ZFHX3: variants seen among roughly 807,000 people sequenced by gnomAD.
ZFHX3 encodes zinc finger homeobox protein 3.
A neutral mutation model predicts 279.1 loss-of-function variants in ZFHX3; 42 were observed. That is an observed-to-expected ratio of 0.15 (90% confidence interval 0.12 to 0.19). The LOEUF (loss-of-function observed/expected upper bound fraction) is 0.19. Among genes scored for constraint, ZFHX3 ranks in the 10% least tolerant of loss-of-function variants. The pLI is 1.00. For synonymous variants in ZFHX3, 2,293 were observed against 1,957.8 expected (o/e 1.17, Z -4.52); for missense variants, 4,981 against 4,754.0 (o/e 1.05, Z -1.40).
chr16:73,771,667 TCTCA>T (rs796903426), intron 1 of ZFHX3, among the ~76,000 whole-genome samples: 36 of 152,272 alleles, frequency 2.4e-4, no homozygotes, highest in African/African-American at 7.7e-4. Flanking sequence ...TCCATTACTA[TCTCA>T]CTCAATCACT....
intron 5 of ZFHX3, among the ~76,000 whole-genome samples, chr16:73,205,199 C>T (rs971016361): frequency 6.6e-6 from 1 of 151,984 alleles, no homozygotes; most frequent in South Asian, 2.1e-4. Flanking sequence ...AGAGGCCTCT[C>T]GAGAAAGGGT....
intron 1 of ZFHX3, among the ~76,000 whole-genome samples, chr16:72,997,925 G>GA (rs1567625037): frequency 1.3e-5 from 2 of 151,272 alleles, no homozygotes; most frequent in Non-Finnish European, 1.5e-5. Flanking sequence ...TACAAAAAAA[G>GA]AAAAAAATTA....
At chr16:72,836,079 A>G (rs2037185681) in intron 4 of ZFHX3, among the ~76,000 whole-genome samples, 1 of 152,216 alleles carries the variant, frequency 6.6e-6, no homozygotes, top group South Asian at 2.1e-4. Flanking sequence ...ATGCTGGTGG[A>G]CGGGCAGTTG....
intron 2 of ZFHX3, among the ~76,000 whole-genome samples, chr16:73,654,633 AC>A (rs1245290108): frequency 6.6e-6 from 1 of 152,070 alleles, no homozygotes; most frequent in Non-Finnish European, 1.5e-5. Context: ...TTGGTTGTAA[AC>A]CAAATTATTG....
intron 1 of ZFHX3, among the ~76,000 whole-genome samples, chr16:72,978,352 G>A (rs1567615895): frequency 6.6e-6 from 1 of 152,234 alleles, no homozygotes; most frequent in Admixed American, 6.5e-5. Context: ...GCTGGAAGCA[G>A]CAGGCATACG....
intron 1 of ZFHX3, among the ~76,000 whole-genome samples, chr16:73,806,954 C>G (rs748440129): frequency 6.6e-6 from 1 of 152,110 alleles, no homozygotes; most frequent in Non-Finnish European, 1.5e-5. Flanking sequence ...CCAATTCCAC[C>G]AACCACGTGA....
chr16:73,636,729 G>A (rs1360552249), intron 2 of ZFHX3, among the ~76,000 whole-genome samples: 1 of 152,106 alleles, frequency 6.6e-6, no homozygotes, highest in Non-Finnish European at 1.5e-5. Flanking sequence ...AAACTACAAT[G>A]CTTCACAGTG....
Position 73,428,045 on chromosome 16 carries a change from G to A in ZFHX3, c.-1291+27958C>T, listed in dbSNP as rs77057005. Among the ~76,000 whole-genome samples, 198 of 152,174 alleles carry A rather than the reference G, an allele frequency of 1.3e-3. 7 individuals carry two copies. The East Asian group carries it at 0.029, about 22-fold the overall frequency. ...AACACACACACATGCATGCACACAC[G>A]TAGACACACACATATTATTTGGGAG... On this transcript the variant is annotated intron_variant, in intron 3 of 17. Transcript: ENST00000641206.
At chr16:73,323,095 A>T (rs1335250881) in intron 3 of ZFHX3, among the ~76,000 whole-genome samples, 1 of 152,198 alleles carries the variant, frequency 6.6e-6, no homozygotes, top group Non-Finnish European at 1.5e-5. Flanking sequence ...GCCAAGAACA[A>T]GAGTTGCTCT....
chr16:73,127,840 C>G (rs1410593105), intron 7 of ZFHX3, among the ~76,000 whole-genome samples: 1 of 152,112 alleles, frequency 6.6e-6, no homozygotes, highest in Admixed American at 6.6e-5. Context: ...CTTTTATGCC[C>G]TCGGAAGGAT....
At chr16:73,216,643 G>A (rs1026684494) in intron 5 of ZFHX3, among the ~76,000 whole-genome samples, 2 of 152,082 alleles carry the variant, frequency 1.3e-5, no homozygotes, top group Admixed American at 6.6e-5. Flanking sequence ...CACAAATATT[G>A]TCCCAGCTAC....
intron 3 of ZFHX3, among the ~76,000 whole-genome samples, chr16:72,928,424 G>GC (rs1293028873): frequency 1.3e-5 from 2 of 151,504 alleles, no homozygotes; most frequent in East Asian, 1.9e-4. Flanking sequence ...ATGCAAAAGC[G>GC]CCCCCACCAC....
chr16:73,357,356 A>G (rs1456573553), intron 3 of ZFHX3, among the ~76,000 whole-genome samples: 1 of 152,138 alleles, frequency 6.6e-6, no homozygotes, highest in Non-Finnish European at 1.5e-5. Context: ...AGAGAGAGAG[A>G]AAACAGGAAT....
At chr16:73,612,376 C>T (rs951511331) in intron 2 of ZFHX3, among the ~76,000 whole-genome samples, 4 of 152,118 alleles carry the variant, frequency 2.6e-5, no homozygotes, top group African/African-American at 9.7e-5. Flanking sequence ...ATAATGCAAA[C>T]GCTGCCATGA....
intron 3 of ZFHX3, among the ~76,000 whole-genome samples, chr16:72,924,931 T>C (rs1051114717): frequency 6.6e-6 from 1 of 152,186 alleles, no homozygotes; most frequent in African/African-American, 2.4e-5. Context: ...GAAACGCACC[T>C]ATAGACCCAA....
At chr16:73,891,309 C>G (rs917867922) in intron 1 of ZFHX3, among the ~76,000 whole-genome samples, 2 of 152,088 alleles carry the variant, frequency 1.3e-5, no homozygotes, top group Non-Finnish European at 2.9e-5. Context: ...GAAGATCAGA[C>G]GCTAAGACAG....
chr16:73,141,731 C>G (rs981839871), intron 6 of ZFHX3, among the ~76,000 whole-genome samples: 3 of 152,160 alleles, frequency 2.0e-5, no homozygotes, highest in African/African-American at 7.2e-5. Flanking sequence ...AATCCTACCA[C>G]CCTCCCTTTG....
chr16:73,390,374 T>C (rs2016986929), intron 3 of ZFHX3, among the ~76,000 whole-genome samples: 1 of 152,150 alleles, frequency 6.6e-6, no homozygotes, highest in Non-Finnish European at 1.5e-5. Flanking sequence ...GAGCAGAGGC[T>C]TGCTGCTGTC....
At chr16:72,882,980 GTGTGTGTGTGTGTGTGTGTGTGT>G (rs1567563248) in intron 4 of ZFHX3, among the ~76,000 whole-genome samples, 180 of 35,498 alleles carry the variant, frequency 5.1e-3, no homozygotes, top group African/African-American at 6.4e-3. Context: ...ACTCTGGGGT[GTGTGTGTGTGTGTGTGTGTGTGT>G]GTGTGTGTGT....
Sources: allele counts gnomAD v4.1 joint callset (sites outside exome capture counted in the v4.1 genomes callset), GRCh38; gene constraint gnomAD v4.1.1; transcripts MANE v1.5; gene names NCBI Gene and HGNC (gene_info 2026-07-23, HGNC 2026-07-21).